Variants in PDS5B observed in about 807,000 individuals in gnomAD.
PDS5B encodes the protein sister chromatid cohesion protein PDS5 homolog B.
A neutral mutation model predicts 184.1 loss-of-function variants in PDS5B; 51 were observed. That is an observed-to-expected ratio of 0.28 (90% CI 0.22 to 0.35). The LOEUF (loss-of-function observed/expected upper bound fraction) is 0.35. Among genes scored for constraint, PDS5B ranks in the 10% least tolerant of loss-of-function variants. PDS5B has a pLI of 1.00. For synonymous variants in PDS5B, 566 were observed against 569.2 expected (o/e 0.99, Z 0.08); for missense variants, 1,180 against 1,723.3 (o/e 0.68, Z 5.58).
At chr13:32,735,440 G>T in intron 21 of PDS5B, 110 bp downstream of exon 21, 3 of 687,920 alleles carry the variant, frequency 4.4e-6, no homozygotes, top group South Asian at 2.6e-5. Context: ...TGACTGCCTT[G>T]ATTTTAGGTT....
intron 1 of PDS5B, among the ~76,000 whole-genome samples, chr13:32,601,727 A>C (rs2057977568): frequency 6.6e-6 from 1 of 152,260 alleles, no homozygotes; most frequent in Non-Finnish European, 1.5e-5. Context: ...AGGTAGGACC[A>C]GCTCAAGTCC....
chr13:32,687,473 T>C (rs1046960167), intron 12 of PDS5B, among the ~76,000 whole-genome samples, 188 bp downstream of exon 12: 1 of 152,116 alleles, frequency 6.6e-6, no homozygotes, highest in African/African-American at 2.4e-5. Context: ...ACATATAACT[T>C]TAGGGATGGG....
chr13:32,684,379 T>A lies in PDS5B; in HGVS notation c.1203+356T>A, dbSNP rs537384161. ...TTTTTCTTTCTTCTTTCAGGGCTGTTGTTATATGGGTATGAATTGGTAGTT... is the reference window on the plus strand; with the variant it reads ...TTTTTCTTTCTTCTTTCAGGGCTGTAGTTATATGGGTATGAATTGGTAGTT... On this transcript the variant is annotated intron_variant, in intron 11 of 34. Coordinates refer to ENST00000315596, the MANE Select transcript of PDS5B (RefSeq NM_015032.4). 2.4e-3 allele frequency among the ~76,000 whole-genome samples: 370 copies of A among 152,318 alleles called. 2 individuals carry two copies. Among genetic ancestry groups the A allele is most frequent in the African/African-American group, 8.1e-3 (335 of 41,558 alleles).
At position 32,619,022 on chromosome 13, in the gene PDS5B, C is replaced by T. The variant is rs187891457; in HGVS notation, c.-19-29732C>T. Among the ~76,000 whole-genome samples, 5 of 151,220 alleles carry T rather than the reference C, an allele frequency of 3.3e-5. No homozygotes were observed. The South Asian group carries it at 6.2e-4, about 19-fold the overall frequency. On this transcript the variant is annotated intron_variant, in intron 1 of 34. Transcript: ENST00000315596. ...TTGCAGCCTAATTGTCTATCTTCACCGTCATACCACACTTCCTTAATTATT... is the reference window on the plus strand; with the variant it reads ...TTGCAGCCTAATTGTCTATCTTCACTGTCATACCACACTTCCTTAATTATT...
chr13:32,765,747 G>GCA (rs1437179290), intron 31 of PDS5B, among the ~76,000 whole-genome samples: 1 of 152,190 alleles, frequency 6.6e-6, no homozygotes, highest in Non-Finnish European at 1.5e-5. Context: ...GGGACCACAG[G>GCA]CATGTGCCAG....
At chr13:32,596,913 A>C (rs1025297477) in intron 1 of PDS5B, among the ~76,000 whole-genome samples, 1 of 151,858 alleles carries the variant, frequency 6.6e-6, no homozygotes, top group East Asian at 1.9e-4. Context: ...TATTAAGAGT[A>C]TTTTCTCCTG....
chr13:32,734,548 T>G (rs181404592), intron 20 of PDS5B, among the ~76,000 whole-genome samples: 2 of 152,282 alleles, frequency 1.3e-5, no homozygotes, highest in Non-Finnish European at 2.9e-5. Flanking sequence ...TTCTGAAAAG[T>G]CTAGTGGGTG....
chr13:32,713,279 A>C (rs1005799269), intron 19 of PDS5B, among the ~76,000 whole-genome samples: 11 of 152,226 alleles, frequency 7.2e-5, no homozygotes, highest in Middle Eastern at 3.2e-3. Flanking sequence ...GATGCTAACT[A>C]TACTTTTGTT....
intron 3 of PDS5B, among the ~76,000 whole-genome samples, chr13:32,655,617 C>A (rs776878109): frequency 6.6e-6 from 1 of 151,480 alleles, no homozygotes; most frequent in South Asian, 2.1e-4. Context: ...GTGATCTGCC[C>A]GCCTTGGCCT....
chr13:32,716,086 T>A (rs1181717019), intron 19 of PDS5B, among the ~76,000 whole-genome samples: 1 of 151,894 alleles, frequency 6.6e-6, no homozygotes, highest in African/African-American at 2.4e-5. Flanking sequence ...CACCACCCCG[T>A]CTGGGAAGTG....
intron 24 of PDS5B, among the ~76,000 whole-genome samples, chr13:32,751,219 G>A (rs1319340703): frequency 6.6e-6 from 1 of 152,198 alleles, no homozygotes; most frequent in East Asian, 1.9e-4. Flanking sequence ...ATTCCATGGT[G>A]TATCTGTATC....
intron 25 of PDS5B, among the ~76,000 whole-genome samples, chr13:32,755,454 G>C (rs1036442894): frequency 4.6e-5 from 7 of 152,086 alleles, no homozygotes; most frequent in Non-Finnish European, 8.8e-5. Context: ...GCTTACAAGA[G>C]AGTGTTAAAC....
intron 8 of PDS5B, among the ~76,000 whole-genome samples, chr13:32,674,098 C>T (rs1450400395): frequency 1.3e-5 from 2 of 152,124 alleles, no homozygotes; most frequent in Non-Finnish European, 2.9e-5. Context: ...CAGGCATAAA[C>T]CACCACCCCT....
At chr13:32,771,471 T>C (rs1008301375) in intron 33 of PDS5B, among the ~76,000 whole-genome samples, 8 of 152,074 alleles carry the variant, frequency 5.3e-5, no homozygotes, top group Admixed American at 3.3e-4. Flanking sequence ...TGTCTTCTAT[T>C]AGTCAGAAAT....
Position 32,655,359 on chromosome 13 carries a change from C to CAT in PDS5B, c.313-2865_313-2864dup, listed in dbSNP as rs1177251327. 9.3e-4 allele frequency among the ~76,000 whole-genome samples: 37 copies of CAT among 39,606 alleles called. 1 individual carries two copies. The highest frequency in any genetic ancestry group is 2.4e-3 in the Admixed American group (6 of 2,542). 26.0% of individuals were successfully genotyped at this position (39,606 alleles called of 152,430 possible). On this transcript the variant is annotated intron_variant, in intron 3 of 34. Coordinates refer to ENST00000315596, the MANE Select transcript of PDS5B (RefSeq NM_015032.4). The stretch of plus-strand genomic sequence containing the variant: ...AAAAGTATCTCTTCATGTTCTTTGC[C>CAT]ATATATATATATATATTTTTTTTTT...
intron 14 of PDS5B, among the ~76,000 whole-genome samples, chr13:32,696,597 T>C (rs1228480248): frequency 1.3e-5 from 2 of 151,628 alleles, no homozygotes; most frequent in Non-Finnish European, 2.9e-5. Flanking sequence ...CAAAATGTAG[T>C]GCAGCTGTCT....
chr13:32,775,484 T>G lies in PDS5B; in HGVS notation c.*432T>G. The stretch of plus-strand genomic sequence containing the variant: ...TGTTTGTATTTGTATTCTCTGCAAT[T>G]TTACTGTGAAAAAAAATTTGTTTTC... On this transcript the variant is annotated 3_prime_UTR_variant, in exon 35 of 35. Coordinates refer to ENST00000315596, the MANE Select transcript of PDS5B (RefSeq NM_015032.4). The G allele has an allele frequency of 1.4e-5, 5 of 352,184 alleles. No homozygotes were observed. The highest frequency in any genetic ancestry group is 2.8e-5 in the Non-Finnish European group (5 of 179,534). 21.8% of individuals were successfully genotyped at this position (352,184 alleles called of 1,614,324 possible).
chr13:32,709,198 TTTTG>T (rs1311583819), intron 18 of PDS5B, among the ~76,000 whole-genome samples: 2 of 152,198 alleles, frequency 1.3e-5, no homozygotes, highest in East Asian at 1.9e-4. Context: ...ATTTGATTCC[TTTTG>T]TTTATTTTAT....
At chr13:32,599,756 C>T (rs776003652) in intron 1 of PDS5B, among the ~76,000 whole-genome samples, 34 of 151,818 alleles carry the variant, frequency 2.2e-4, no homozygotes, top group Non-Finnish European at 4.1e-4. Flanking sequence ...ACTAAAAATA[C>T]AAAAAGAAAT....
Sources: gnomAD v4.1 joint callset for allele counts (sites outside exome capture counted in the v4.1 genomes callset) on GRCh38, gnomAD v4.1.1 for gene constraint, MANE v1.5 for transcripts, NCBI Gene and HGNC (gene_info 2026-07-23, HGNC 2026-07-21) for gene names.